RAPGEF3: variants seen among roughly 807,000 people sequenced by gnomAD.
The protein encoded by RAPGEF3 is Rap guanine nucleotide exchange factor 3.
RAPGEF3 carries 103 observed loss-of-function variants against 129.8 expected under a neutral mutation model. That is an observed-to-expected ratio of 0.79 (90% CI 0.68 to 0.93). RAPGEF3 has a LOEUF of 0.93. RAPGEF3 is among the 40% of genes least tolerant of loss of function. RAPGEF3 has a pLI of 0.00. For synonymous variants in RAPGEF3, 436 were observed against 482.6 expected (o/e 0.90, Z 1.26); for missense variants, 1,117 against 1,207.4 (o/e 0.93, Z 1.11).
chr12:47,747,670 A>G, intron 14 of RAPGEF3, 42 bp downstream of exon 14: 14 of 1,612,126 alleles, frequency 8.7e-6, no homozygotes, highest in Non-Finnish European at 1.2e-5. Context: ...AGCTGCATCC[A>G]CCCCGGGCAG....
chr12:47,742,260 TG>T (rs1941208840), intron 18 of RAPGEF3: 2 of 152,392 alleles, frequency 1.3e-5, no homozygotes, highest in Admixed American at 1.3e-4. Context: ...ATTCACACAG[TG>T]GGGTGTGGGT....
rs1219715311 is a variant in RAPGEF3 at position 47,735,403 on chromosome 12, C to T, written c.*2164G>A. 6.6e-6 allele frequency: 1 copy of T among 152,360 alleles called. No homozygotes were observed. Among genetic ancestry groups the T allele is most frequent in the African/African-American group, 2.4e-5 (1 of 41,440 alleles). 9.4% of individuals were successfully genotyped at this position (152,360 alleles called of 1,614,324 possible). A position where few individuals can be genotyped will look rare whatever the true frequency, so the allele number is the denominator to read the frequency against. On this transcript the variant is annotated 3_prime_UTR_variant, in exon 28 of 28. Coordinates refer to ENST00000449771, the MANE Select transcript of RAPGEF3 (RefSeq NM_001098531.4). ...AGCACAAACTCCCAGCATGGGGCCA[C>T]CGTAACATGGAGCCTTTCCCCGCTT...
In RAPGEF3 at chr12:47,735,049, AG is replaced by A. The variant is rs1254718290; in HGVS notation, c.*2517del. 6.6e-6 allele frequency: 1 copy of A among 152,418 alleles called. No individual in the cohort carries two copies. The highest frequency in any genetic ancestry group is 1.9e-4 in the East Asian group (1 of 5,186). The allele number at this position is 152,418 out of a possible 1,614,324, so 9.4% of individuals were successfully genotyped here. ...GCCTCAGGCCTTCACAGGGAAGTGG[AG>A]GGGAAGGAGGAAAGGAGGGGGGATG... On this transcript the variant is annotated 3_prime_UTR_variant, in exon 28 of 28. Transcript: ENST00000449771.
intron 2 of RAPGEF3, chr12:47,756,520 T>G (rs12818212): frequency 0.13 from 19,710 of 152,164 alleles, 1,361 homozygotes; most frequent in Middle Eastern, 0.15. Flanking sequence ...GACTGACATG[T>G]GGACTCTCCT....
chr12:47,758,508 G>A (rs373818402), intron 1 of RAPGEF3, 43 bp downstream of exon 1: 8 of 1,600,726 alleles, frequency 5.0e-6, no homozygotes, highest in East Asian at 2.2e-5. Context: ...TTCCTCTCCC[G>A]CCCTCTCCTG....
chr12:47,746,263 C>G (rs1004965721), intron 16 of RAPGEF3: 1 of 254,608 alleles, frequency 3.9e-6, no homozygotes, highest in Non-Finnish European at 7.5e-6. Flanking sequence ...CTGGGACACA[C>G]AGTAGGGTGG....
At chr12:47,758,252 T>A in intron 1 of RAPGEF3, 174 bp from the exon 2 acceptor site, 1 of 1,433,232 alleles carries the variant, frequency 7.0e-7, no homozygotes. Flanking sequence ...CACTGGGGCC[T>A]GCCGGTCTGG....
rs765785203 is a variant in RAPGEF3 at position 47,758,520 on chromosome 12, T to C, written c.6+31A>G. 6.8e-6 allele frequency: 11 copies of C among 1,611,258 alleles called. No individual in the cohort carries two copies. The Admixed American group carries it at 1.2e-4, about 17-fold the overall frequency. ...AGCTTCCTCTCCCGCCCTCTCCTGC[T>C]CCTCCTCAACCCTGACCCCACCTTA... is the stretch of plus-strand genomic sequence containing the variant. On this transcript the variant is annotated intron_variant, in intron 1 of 27. Transcript: ENST00000449771.
intron 2 of RAPGEF3, among the ~76,000 whole-genome samples, chr12:47,754,954 C>A (rs989716412): frequency 5.9e-5 from 9 of 152,222 alleles, no homozygotes; most frequent in African/African-American, 2.2e-4. Context: ...CAGAGCTGGG[C>A]TGGAGAGACA....
At chr12:47,742,980 T>C (rs1941243141) in intron 18 of RAPGEF3, among the ~76,000 whole-genome samples, 2 of 152,372 alleles carry the variant, frequency 1.3e-5, no homozygotes, top group South Asian at 4.1e-4. Flanking sequence ...GACCAGCTAC[T>C]CTCACTGTGT....
chr12:47,751,575 G>C, intron 4 of RAPGEF3, 55 bp from the exon 5 acceptor site: 1 of 1,610,546 alleles, frequency 6.2e-7, no homozygotes, highest in South Asian at 1.1e-5. Flanking sequence ...GGGAGAGGGA[G>C]GAACTATGCA....
intron 16 of RAPGEF3, chr12:47,746,318 C>T (rs536012723): frequency 3.2e-6 from 1 of 315,884 alleles, no homozygotes; most frequent in South Asian, 3.3e-5. Flanking sequence ...GGATTTTATT[C>T]CCAGTGCAGC....
rs1260991471 is a variant in RAPGEF3, at chr12:47,749,570, C to T, written c.895-34G>A. ...AGGCCTCAGTCTCAGCCCGCCCCTG[C>T]CGCCCCTGCCGCCCCCAGCTCTTGC... On this transcript the variant is annotated intron_variant, in intron 9 of 27. Coordinates refer to ENST00000449771, the MANE Select transcript of RAPGEF3 (RefSeq NM_001098531.4). The surrounding 1 kb of genome is among the most constrained non-coding windows in gnomAD (Gnocchi z 4.5). 1 of 1,557,266 alleles carries T rather than the reference C, an allele frequency of 6.4e-7. No homozygotes were observed.
At position 47,749,975 on chromosome 12, in the gene RAPGEF3, C is replaced by T. The variant is rs369901031; in HGVS notation, c.772G>A (p.Ala258Thr). 5 of 1,614,250 alleles carry T rather than the reference C, an allele frequency of 3.1e-6. No individual in the cohort carries two copies. The highest frequency in any genetic ancestry group is 1.1e-5 in the South Asian group (1 of 91,084). Residue 258 changes from alanine to threonine, a missense_variant, in exon 8 of 28, where the codon GCG becomes ACG. By Grantham distance (58) the Ala-to-Thr change is moderately conservative (BLOSUM62 0). This residue lies in a region of RAPGEF3 where 367 missense variants were observed against 373.4 expected (regional missense o/e 0.98). Coordinates refer to ENST00000449771, the MANE Select transcript of RAPGEF3 (RefSeq NM_001098531.4). This position sits in a 1 kb window ranked among gnomAD's most constrained non-coding sequence, Gnocchi z 4.5. Reference protein sequence around the residue: ...HLSNSVKRELAAVLLFEPHSK... With the variant: ...HLSNSVKRELTAVLLFEPHSK... ...TGTGGTTCAAAGAGCAGAACAGCCG[C>T]TAATTCTCGCTTCACCTGTGTGGTG...
intron 15 of RAPGEF3, 135 bp from the exon 16 acceptor site, chr12:47,747,034 T>A: frequency 1.2e-6 from 1 of 815,266 alleles, no homozygotes; most frequent in Non-Finnish European, 2.0e-6. Flanking sequence ...AAGTATCACA[T>A]AAAGAGGGGA....
intron 2 of RAPGEF3, among the ~76,000 whole-genome samples, chr12:47,756,696 C>T (rs898860675): frequency 1.3e-5 from 2 of 152,110 alleles, no homozygotes; most frequent in Non-Finnish European, 2.9e-5. Flanking sequence ...CTCGGCTAGG[C>T]GCAATGGCTC....
intron 2 of RAPGEF3, chr12:47,755,604 G>A (rs1942009128): frequency 6.6e-6 from 1 of 152,118 alleles, no homozygotes; most frequent in African/African-American, 2.4e-5. Context: ...CCATTCCAGT[G>A]TCACTTTTGC....
chr12:47,737,592 C>T lies in RAPGEF3; in HGVS notation c.2747G>A (p.Arg916His), dbSNP rs1211348676. 1.4e-5 allele frequency: 22 copies of T among 1,604,122 alleles called. No individual in the cohort carries two copies. Among genetic ancestry groups the T allele is most frequent in the African/African-American group, 2.7e-5 (2 of 74,780 alleles). ...TCATGGCTCCAGCTCTCGGGAGAGGCGGGAGAGTTCCCGCTGGTTGTCAAT... is the reference window on the plus strand; with the variant it reads ...TCATGGCTCCAGCTCTCGGGAGAGGTGGGAGAGTTCCCGCTGGTTGTCAAT... The part of the protein sequence containing the change: ...KVIDNQRELS[R>H]LSRELEP Residue 916 changes from arginine to histidine, a missense_variant, in exon 28 of 28, where the codon CGC (arginine) becomes CAC (histidine). Coordinates refer to ENST00000449771, the MANE Select transcript of RAPGEF3 (RefSeq NM_001098531.4).
Position 47,740,831 on chromosome 12 carries a change from G to GGGTCAGCAGGAGA in RAPGEF3, c.2050-21_2050-9dup. On this transcript the variant is annotated splice_polypyrimidine_tract_variant and intron_variant, in intron 20 of 27. Transcript: ENST00000449771. ...ATAGTGGATCAGCTCCACCTGGGTG[G>GGGTCAGCAGGAGA]GGTCAGCAGGAGAGGTCAGCGAGTG... is the stretch of plus-strand genomic sequence containing the variant. 6.2e-7 allele frequency: 1 copy of GGGTCAGCAGGAGA among 1,613,784 alleles called. No homozygotes were observed. The highest frequency in any genetic ancestry group is 8.5e-7 in the Non-Finnish European group (1 of 1,179,928).
Sources: allele counts gnomAD v4.1 joint callset (sites outside exome capture counted in the v4.1 genomes callset), GRCh38; gene constraint gnomAD v4.1.1; regional missense constraint gnomAD v4.1.1; non-coding constraint Gnocchi (gnomAD v3.1); transcripts MANE v1.5; gene names NCBI Gene and HGNC (gene_info 2026-07-23, HGNC 2026-07-21).